SNX29: variants seen among roughly 807,000 people sequenced by gnomAD.
The protein encoded by SNX29 is sorting nexin-29.
Under a neutral mutation model 102.1 loss-of-function variants are expected in SNX29, and 78 were observed. That is an observed-to-expected ratio of 0.76 (90% confidence interval 0.64 to 0.92). The LOEUF (loss-of-function observed/expected upper bound fraction) is 0.92. Ranked by LOEUF, SNX29 falls within the 40% of genes least tolerant of loss-of-function variation. The pLI is 0.00. For missense variants in SNX29, 1,280 were observed against 1,061.7 expected (o/e 1.21, Z -2.86); for synonymous variants, 580 against 414.5 (o/e 1.40, Z -4.85).
At chr16:12,172,288 G>A (rs906890026) in intron 13 of SNX29, among the ~76,000 whole-genome samples, 3 of 152,206 alleles carry the variant, frequency 2.0e-5, no homozygotes, top group African/African-American at 7.2e-5. Flanking sequence ...GAGGAGGAAA[G>A]GGGCGAGGCT....
intron 18 of SNX29, among the ~76,000 whole-genome samples, chr16:12,424,798 T>C (rs1375280338): frequency 6.6e-6 from 1 of 152,204 alleles, no homozygotes; most frequent in Non-Finnish European, 1.5e-5. Context: ...TTATTATGGA[T>C]CAGACACTGT....
intron 15 of SNX29, among the ~76,000 whole-genome samples, chr16:12,315,271 G>C (rs1463060786): frequency 5.9e-5 from 9 of 152,160 alleles, no homozygotes; most frequent in Admixed American, 5.2e-4. Context: ...CAAACAGTAG[G>C]GGCCTTGCTC....
intron 3 of SNX29, among the ~76,000 whole-genome samples, chr16:12,016,736 T>C (rs1254150967): frequency 6.6e-6 from 1 of 152,196 alleles, no homozygotes; most frequent in Non-Finnish European, 1.5e-5. Flanking sequence ...AGCTGTCTGT[T>C]CATTTCTTGT....
rs13339030 is a variant in SNX29 at position 12,464,522 on chromosome 16, C to T, written c.2038-13197C>T. 3.1e-3 allele frequency among the ~76,000 whole-genome samples: 477 copies of T among 152,236 alleles called. 6 individuals carry two copies. Among genetic ancestry groups the T allele is most frequent in the African/African-American group, 0.011 (448 of 41,548 alleles). ...AGGCTGGAGTGCAGTGATGCGATCA[C>T]AGCTCACTGCAGCCTCCACCTCCTG... On this transcript the variant is annotated intron_variant, in intron 18 of 20. Coordinates refer to ENST00000566228, the MANE Select transcript of SNX29 (RefSeq NM_032167.5).
rs1012461890 is a variant in SNX29 at position 12,126,463 on chromosome 16, A to G, written c.1403-170A>G. On this transcript the variant is annotated intron_variant, in intron 11 of 20. Coordinates refer to ENST00000566228, the MANE Select transcript of SNX29 (RefSeq NM_032167.5). The stretch of plus-strand genomic sequence containing the variant: ...CTTCAGAGACTGTGCTCTAAAATCC[A>G]GGACCCTGATCAGCCGAGTCTCTTA... 3.3e-5 allele frequency among the ~76,000 whole-genome samples: 5 copies of G among 152,268 alleles called. No homozygotes were observed. The East Asian group carries it at 5.8e-4, about 18-fold the overall frequency.
intron 11 of SNX29, among the ~76,000 whole-genome samples, chr16:12,112,514 G>A (rs374202671): frequency 1.1e-4 from 17 of 152,296 alleles, no homozygotes; most frequent in East Asian, 3.9e-4. Flanking sequence ...TGAGGGAAAC[G>A]CAGAAGGCAT....
intron 19 of SNX29, among the ~76,000 whole-genome samples, chr16:12,481,056 C>G (rs921684763): frequency 6.6e-6 from 1 of 152,202 alleles, no homozygotes; most frequent in Admixed American, 6.5e-5. Context: ...GAGGCTGATT[C>G]CTCACAGCAG....
At chr16:12,274,996 T>A (rs1298602109) in intron 14 of SNX29, among the ~76,000 whole-genome samples, 1 of 152,240 alleles carries the variant, frequency 6.6e-6, no homozygotes, top group African/African-American at 2.4e-5. Context: ...CTAAATAGTC[T>A]CTCTTTCCTG....
At chr16:12,182,627 A>C (rs1324906587) in intron 13 of SNX29, among the ~76,000 whole-genome samples, 3 of 152,158 alleles carry the variant, frequency 2.0e-5, no homozygotes, top group Non-Finnish European at 4.4e-5. Context: ...GTTTACCCTC[A>C]ATGGGACATA....
At chr16:12,549,808 C>T (rs372742306) in intron 20 of SNX29, among the ~76,000 whole-genome samples, 2 of 152,262 alleles carry the variant, frequency 1.3e-5, no homozygotes, top group African/African-American at 4.8e-5. Context: ...ATCATGGCTT[C>T]TGTGCCCTGT....
intron 18 of SNX29, among the ~76,000 whole-genome samples, chr16:12,435,214 C>A (rs954384503): frequency 3.3e-5 from 5 of 152,200 alleles, no homozygotes; most frequent in African/African-American, 1.2e-4. Flanking sequence ...CTATTCCTCC[C>A]ATCCCAAGAA....
chr16:12,101,395 T>A lies in SNX29; in HGVS notation c.1402+22480T>A, dbSNP rs532868429. 4.0e-5 allele frequency among the ~76,000 whole-genome samples: 6 copies of A among 151,798 alleles called. No individual in the cohort carries two copies. In the East Asian group the frequency reaches 9.7e-4, roughly 24 times the overall value. On this transcript the variant is annotated intron_variant, in intron 11 of 20. Transcript: ENST00000566228. ...GTTGACCCCCAATTTTATTTTTTTT[T>A]TTTTTTGAGACAGAGACTCGCTCTG...
At chr16:12,008,138 G>C (rs562251343) in intron 3 of SNX29, among the ~76,000 whole-genome samples, 1 of 152,110 alleles carries the variant, frequency 6.6e-6, no homozygotes, top group Non-Finnish European at 1.5e-5. Flanking sequence ...TAGAGATGGG[G>C]TTTCACCGTG....
intron 16 of SNX29, among the ~76,000 whole-genome samples, chr16:12,382,711 C>T (rs1213226544): frequency 1.3e-5 from 2 of 152,194 alleles, no homozygotes; most frequent in Non-Finnish European, 2.9e-5. Context: ...AGTGGCAGGG[C>T]TGTGTTCCCC....
intron 20 of SNX29, chr16:12,556,230 G>C (rs1241798258): frequency 6.6e-6 from 1 of 152,144 alleles, no homozygotes; most frequent in Non-Finnish European, 1.5e-5. Context: ...TGTGAGGTTG[G>C]TTTCATGGCG....
chr16:12,088,992 C>T (rs959315881), intron 11 of SNX29, among the ~76,000 whole-genome samples: 4 of 151,956 alleles, frequency 2.6e-5, no homozygotes, highest in African/African-American at 9.7e-5. Context: ...GGGGCTGAGG[C>T]AGAGAATTGC....
intron 20 of SNX29, among the ~76,000 whole-genome samples, chr16:12,560,258 T>C (rs1392662416): frequency 6.6e-6 from 1 of 151,408 alleles, no homozygotes; most frequent in Non-Finnish European, 1.5e-5. Context: ...CTTAAAAATA[T>C]CAGGAACACA....
chr16:12,257,667 C>T (rs1457551778), intron 14 of SNX29, among the ~76,000 whole-genome samples: 2 of 151,240 alleles, frequency 1.3e-5, no homozygotes, highest in Non-Finnish European at 2.9e-5. Flanking sequence ...CAGGCACGCA[C>T]CACCATGCCC....
At chr16:12,534,008 C>G (rs900978832) in intron 20 of SNX29, among the ~76,000 whole-genome samples, 3 of 152,232 alleles carry the variant, frequency 2.0e-5, no homozygotes, top group African/African-American at 7.2e-5. Flanking sequence ...AAAAGCCTTC[C>G]AGGGCAAAAG....
Sources: allele counts gnomAD v4.1 joint callset (sites outside exome capture counted in the v4.1 genomes callset), GRCh38; gene constraint gnomAD v4.1.1; transcripts MANE v1.5; gene names NCBI Gene and HGNC (gene_info 2026-07-23, HGNC 2026-07-21).